LGI1: variants seen among roughly 807,000 people sequenced by gnomAD.
LGI1 encodes leucine rich glioma inactivated 1.
LGI1 carries 11 observed loss-of-function variants against 57.7 expected under a neutral mutation model. The ratio of observed to expected loss-of-function variants is 0.19; its 90% CI spans 0.12 to 0.32. LGI1 has a LOEUF of 0.32. Among genes scored for constraint, LGI1 ranks in the 10% least tolerant of loss-of-function variants. LGI1 has a pLI of 1.00. For synonymous variants in LGI1, 222 were observed against 241.9 expected (o/e 0.92, Z 0.76); for missense variants, 422 against 661.9 (o/e 0.64, Z 3.98).
chr10:93,762,482 T>G (rs905678090), intron 2 of LGI1: 17 of 152,242 alleles, frequency 1.1e-4, no homozygotes, highest in Admixed American at 9.8e-4. Context: ...TCCTTTACCT[T>G]TAAAGCAATT....
intron 7 of LGI1, among the ~76,000 whole-genome samples, chr10:93,796,091 C>T (rs1456618782): frequency 6.6e-6 from 1 of 152,232 alleles, no homozygotes; most frequent in African/African-American, 2.4e-5. Context: ...CAAGCTAGGC[C>T]ACTGACAGAT....
chr10:93,773,825 C>A (rs2059764902), intron 2 of LGI1, among the ~76,000 whole-genome samples: 1 of 152,102 alleles, frequency 6.6e-6, no homozygotes, highest in African/African-American at 2.4e-5. Context: ...AGAGGAGAAA[C>A]CTCAAGTGTT....
At chr10:93,782,112 C>T (rs1210668402) in intron 4 of LGI1, among the ~76,000 whole-genome samples, 1 of 152,150 alleles carries the variant, frequency 6.6e-6, no homozygotes, top group Non-Finnish European at 1.5e-5. Flanking sequence ...TGTCTCTCTG[C>T]CAGCTCAATA....
chr10:93,758,541 A>T lies in LGI1; in HGVS notation c.215+182A>T. 1 of 724,144 alleles carries T rather than the reference A, an allele frequency of 1.4e-6. No individual in the cohort carries two copies. The highest frequency in any genetic ancestry group is 2.4e-6 in the Non-Finnish European group (1 of 423,040). 44.9% of individuals were successfully genotyped at this position (724,144 alleles called of 1,614,324 possible). On this transcript the variant is annotated intron_variant, in intron 1 of 7. Transcript: ENST00000371418. This position sits in a 1 kb window ranked among gnomAD's most constrained non-coding sequence, Gnocchi z 4.7. ...TTTTGATTTTTTTAGCTGCTACTGA[A>T]CATGCTTAGATACCCCCAGCCCTGA...
At chr10:93,788,531 C>T (rs1564849596) in intron 4 of LGI1, 1 of 152,156 alleles carries the variant, frequency 6.6e-6, no homozygotes, top group Non-Finnish European at 1.5e-5. Context: ...AGATACATTA[C>T]CAAAGTCACA....
chr10:93,796,987 C>T lies in LGI1; in HGVS notation c.858C>T (p.Cys286=). The T allele has an allele frequency of 6.2e-7, 1 of 1,613,762 alleles. No homozygotes were observed. The change falls in exon 8 of 8, where the codon TGC becomes TGT. Residue 286 remains cysteine (C), a synonymous_variant. Transcript: ENST00000371418. ...TCCCAGGCACATCCACTGTAGTATG[C>T]AAGCCTATAGTCATTGAAACTCAGC... The part of the protein sequence containing the change: ...DNITGTSTVV[C]KPIVIETQLY...
Position 93,757,996 on chromosome 10 carries a change from G to C in LGI1, c.-149G>C. The C allele has an allele frequency of 2.7e-6, 2 of 732,044 alleles. No individual in the cohort carries two copies. Among genetic ancestry groups the C allele is most frequent in the Admixed American group, 2.0e-5 (1 of 48,950 alleles). 45.3% of individuals were successfully genotyped at this position (732,044 alleles called of 1,614,324 possible). Reference sequence around the variant, plus strand: ...ATTGCTGGAGCGAGGAGAAGCTCACGAATCAGCTGCAGGTCTCTGTTTTGA... The same window carrying C: ...ATTGCTGGAGCGAGGAGAAGCTCACCAATCAGCTGCAGGTCTCTGTTTTGA... On this transcript the variant is annotated 5_prime_UTR_variant, in exon 1 of 8. Transcript: ENST00000371418.
chr10:93,766,293 T>A (rs2059677450), intron 2 of LGI1, among the ~76,000 whole-genome samples: 1 of 152,154 alleles, frequency 6.6e-6, no homozygotes, highest in African/African-American at 2.4e-5. Context: ...AATAAATCTT[T>A]AAAAATACAA....
intron 7 of LGI1, among the ~76,000 whole-genome samples, chr10:93,795,795 G>T (rs2059975130): frequency 6.6e-6 from 1 of 152,188 alleles, no homozygotes; most frequent in South Asian, 2.1e-4. Flanking sequence ...CTAGTCTAAA[G>T]TCTCATTGTA....
chr10:93,788,204 A>G (rs1308542224), intron 4 of LGI1: 1 of 152,262 alleles, frequency 6.6e-6, no homozygotes, highest in Non-Finnish European at 1.5e-5. Flanking sequence ...CCAAGACATC[A>G]GAAAATCTCT....
In LGI1 at chr10:93,759,830, C is replaced by A. The variant is rs563630450; in HGVS notation, c.287+999C>A. The stretch of plus-strand genomic sequence containing the variant: ...ACAGAGGCAAACAGCATGGAGTGGA[C>A]GTTGGAGAGACAAGTGTTTAAACCT... On this transcript the variant is annotated intron_variant, in intron 2 of 7. Coordinates refer to ENST00000371418, the MANE Select transcript of LGI1 (RefSeq NM_005097.4). Among the ~76,000 whole-genome samples the A allele has an allele frequency of 9.9e-5, 15 of 152,236 alleles. No individual in the cohort carries two copies. The South Asian group carries it at 2.5e-3, about 25-fold the overall frequency.
Position 93,797,316 on chromosome 10 carries a change from C to T in LGI1, c.1187C>T (p.Thr396Met), listed in dbSNP as rs905576558. The T allele has an allele frequency of 1.9e-6, 3 of 1,614,156 alleles. No individual in the cohort carries two copies. Among genetic ancestry groups the T allele is most frequent in the Admixed American group, 1.7e-5 (1 of 60,020 alleles). ...GTCAGAACACCTCAGACACTCAGAACGCCTCATTTAATTCTGTCTAGTAGT... is the reference window on the plus strand; with the variant it reads ...GTCAGAACACCTCAGACACTCAGAATGCCTCATTTAATTCTGTCTAGTAGT... ...EIVRTPQTLR[T>M]PHLILSSSSQ... is the part of the protein sequence containing the mutation. Residue 396 changes from threonine to methionine, a missense_variant, in exon 8 of 8, where the codon ACG becomes ATG. By Grantham distance (81) the Thr-to-Met change is moderately conservative (BLOSUM62 -1). This residue lies in a region of LGI1 where 301 missense variants were observed against 461.7 expected (regional missense o/e 0.65). Coordinates refer to ENST00000371418, the MANE Select transcript of LGI1 (RefSeq NM_005097.4). The surrounding 1 kb of genome is among the most constrained non-coding windows in gnomAD (Gnocchi z 6.5).
Position 93,758,469 on chromosome 10 carries a change from T to A in LGI1, c.215+110T>A. On this transcript the variant is annotated intron_variant, in intron 1 of 7. Coordinates refer to ENST00000371418, the MANE Select transcript of LGI1 (RefSeq NM_005097.4). The surrounding 1 kb of genome is among the most constrained non-coding windows in gnomAD (Gnocchi z 4.7). The stretch of plus-strand genomic sequence containing the variant: ...AGGGCATGGAGAGAGAGATTCCTCT[T>A]GCATGCTTGGCCATTTGACAGTGCT... 8.8e-7 allele frequency: 1 copy of A among 1,135,010 alleles called. No homozygotes were observed. Among genetic ancestry groups the A allele is most frequent in the Non-Finnish European group, 1.3e-6 (1 of 757,186 alleles). The allele number at this position is 1,135,010 out of a possible 1,614,324, so 70.3% of individuals were successfully genotyped here.
intron 2 of LGI1, chr10:93,776,023 C>T (rs1564844357): frequency 6.6e-6 from 1 of 152,138 alleles, no homozygotes; most frequent in Non-Finnish European, 1.5e-5. Flanking sequence ...ACACAATTGC[C>T]AAAGCTGTGA....
chr10:93,766,903 A>T (rs1435815124), intron 2 of LGI1: 1 of 152,062 alleles, frequency 6.6e-6, no homozygotes. Flanking sequence ...CTAAAAGATA[A>T]CCTCCTCAAT....
chr10:93,780,578 C>T (rs1233480127), intron 4 of LGI1, among the ~76,000 whole-genome samples: 1 of 152,230 alleles, frequency 6.6e-6, no homozygotes, highest in East Asian at 1.9e-4. Context: ...AGTCTCCTGA[C>T]GACCCCGTGA....
chr10:93,789,030 T>C (rs376268216), intron 4 of LGI1: 1 of 152,252 alleles, frequency 6.6e-6, no homozygotes, highest in African/African-American at 2.4e-5. Flanking sequence ...GCATTAGCAC[T>C]GTGCTATGTC....
intron 4 of LGI1, among the ~76,000 whole-genome samples, chr10:93,781,289 G>A (rs1436347589): frequency 1.3e-5 from 2 of 152,048 alleles, no homozygotes; most frequent in African/African-American, 4.8e-5. Context: ...AACCCGGGAG[G>A]CGGAGCTTGC....
chr10:93,780,108 G>A (rs887735481), intron 4 of LGI1, among the ~76,000 whole-genome samples: 19 of 152,230 alleles, frequency 1.2e-4, no homozygotes, highest in African/African-American at 4.3e-4. Context: ...AGGCTAGCAA[G>A]AGAAATTGGA....
Sources: allele counts gnomAD v4.1 joint callset (sites outside exome capture counted in the v4.1 genomes callset), GRCh38; gene constraint gnomAD v4.1.1; regional missense constraint gnomAD v4.1.1; non-coding constraint Gnocchi (gnomAD v3.1); transcripts MANE v1.5; gene names NCBI Gene and HGNC (gene_info 2026-07-23, HGNC 2026-07-21).